The following SLC1A1 variants were observed in gnomAD, a reference collection of about 807,000 sequenced individuals.
SLC1A1 encodes excitatory amino acid transporter 3.
A neutral mutation model predicts 53.3 loss-of-function variants in SLC1A1; 43 were observed. That is an observed-to-expected ratio of 0.81 (90% CI 0.63 to 1.04). SLC1A1 has a LOEUF of 1.04. SLC1A1 is among the 50% of genes least tolerant of loss of function. SLC1A1 has a pLI of 0.00. For synonymous variants in SLC1A1, 307 were observed against 243.2 expected (o/e 1.26, Z -2.44); for missense variants, 748 against 664.9 (o/e 1.12, Z -1.37).
At chr9:4,497,701 T>C (rs1016682129) in intron 1 of SLC1A1, among the ~76,000 whole-genome samples, 1 of 152,170 alleles carries the variant, frequency 6.6e-6, no homozygotes, top group Non-Finnish European at 1.5e-5. Context: ...ATCTTTTCTT[T>C]CTCAAAACTA....
intron 1 of SLC1A1, among the ~76,000 whole-genome samples, chr9:4,508,101 C>T (rs911105238): frequency 4.6e-5 from 7 of 151,956 alleles, no homozygotes; most frequent in Non-Finnish European, 8.8e-5. Flanking sequence ...TGCCCTGATA[C>T]TGAGGAAGGG....
At chr9:4,514,774 G>A (rs1821109184) in intron 1 of SLC1A1, among the ~76,000 whole-genome samples, 1 of 152,144 alleles carries the variant, frequency 6.6e-6, no homozygotes, top group Admixed American at 6.5e-5. Context: ...CTCTGACTTA[G>A]TTTGCAGAAT....
chr9:4,508,705 A>T (rs1186329729), intron 1 of SLC1A1, among the ~76,000 whole-genome samples: 2 of 152,196 alleles, frequency 1.3e-5, no homozygotes, highest in Admixed American at 1.3e-4. Flanking sequence ...TGCTCATGAC[A>T]TCCTCCCTCA....
chr9:4,563,418 G>C (rs1819172657), intron 3 of SLC1A1, among the ~76,000 whole-genome samples: 1 of 152,184 alleles, frequency 6.6e-6, no homozygotes, highest in South Asian at 2.1e-4. Context: ...ATTAGCTGGA[G>C]GCGTATAGCC....
intron 10 of SLC1A1, among the ~76,000 whole-genome samples, chr9:4,582,071 T>G (rs955556500): frequency 3.9e-5 from 6 of 152,216 alleles, no homozygotes; most frequent in African/African-American, 1.4e-4. Context: ...AGGACTTGTC[T>G]CCAGAAAGCA....
At chr9:4,568,082 TA>T (rs1819656384) in intron 6 of SLC1A1, among the ~76,000 whole-genome samples, 1 of 152,184 alleles carries the variant, frequency 6.6e-6, no homozygotes, top group South Asian at 2.1e-4. Flanking sequence ...TTTAGTGTCA[TA>T]TTTTTTGCAT....
At chr9:4,522,309 C>G (rs923346849) in intron 1 of SLC1A1, among the ~76,000 whole-genome samples, 1 of 152,064 alleles carries the variant, frequency 6.6e-6, no homozygotes, top group Non-Finnish European at 1.5e-5. Flanking sequence ...CCTCAGCCTC[C>G]CAAAGTGCTG....
intron 1 of SLC1A1, among the ~76,000 whole-genome samples, chr9:4,502,738 C>T (rs1313770375): frequency 6.6e-6 from 1 of 151,740 alleles, no homozygotes; most frequent in Non-Finnish European, 1.5e-5. Flanking sequence ...TCCTAGTAAA[C>T]CTTGATACAC....
chr9:4,495,856 T>C (rs1278370685), intron 1 of SLC1A1, among the ~76,000 whole-genome samples: 2 of 152,094 alleles, frequency 1.3e-5, no homozygotes, highest in East Asian at 3.9e-4. Flanking sequence ...AGGCAGTGGC[T>C]ATCTCCAGCA....
intron 1 of SLC1A1, among the ~76,000 whole-genome samples, chr9:4,526,287 G>A (rs57179942): frequency 0.022 from 3,342 of 152,280 alleles, 128 homozygotes; most frequent in African/African-American, 0.077. Context: ...AATAGGGAAT[G>A]TGATATGGAA....
intron 11 of SLC1A1, 139 bp from the exon 12 acceptor site, chr9:4,585,173 T>C: frequency 8.8e-7 from 1 of 1,133,630 alleles, no homozygotes; most frequent in Non-Finnish European, 1.3e-6. Context: ...GTGAGGAGCC[T>C]TCAGTCAGTC....
At chr9:4,502,408 A>AAAAAAAG (rs1391106772) in intron 1 of SLC1A1, among the ~76,000 whole-genome samples, 1 of 150,486 alleles carries the variant, frequency 6.6e-6, no homozygotes, top group Non-Finnish European at 1.5e-5. Context: ...AAAAAAAAAA[A>AAAAAAAG]AAAAAAGATT....
chr9:4,549,006 G>A lies in SLC1A1; in HGVS notation c.232+4299G>A, dbSNP rs551168322. Among the ~76,000 whole-genome samples the A allele has an allele frequency of 5.3e-4, 81 of 152,300 alleles. No homozygotes were observed. The highest frequency in any genetic ancestry group is 9.8e-4 in the Non-Finnish European group (67 of 68,024). On this transcript the variant is annotated intron_variant, in intron 2 of 11. Transcript: ENST00000262352. This position sits in a 1 kb window ranked among gnomAD's most constrained non-coding sequence, Gnocchi z 4.1. ...ATAACAGGAAATAGCTTATGAATAT[G>A]CCTGAGAATTGTGGCTCTGGAAAAA...
At chr9:4,494,465 G>A (rs1014298568) in intron 1 of SLC1A1, among the ~76,000 whole-genome samples, 1 of 151,968 alleles carries the variant, frequency 6.6e-6, no homozygotes, top group Admixed American at 6.6e-5. Flanking sequence ...GTCTCTTTCT[G>A]TGTCCTGCTT....
At chr9:4,516,907 A>G (rs1169943897) in intron 1 of SLC1A1, among the ~76,000 whole-genome samples, 1 of 152,060 alleles carries the variant, frequency 6.6e-6, no homozygotes, top group Non-Finnish European at 1.5e-5. Flanking sequence ...TTTCTAAACC[A>G]CCCCTCAAGC....
chr9:4,538,391 A>G (rs1816754304), intron 1 of SLC1A1, among the ~76,000 whole-genome samples: 1 of 152,236 alleles, frequency 6.6e-6, no homozygotes, highest in Non-Finnish European at 1.5e-5. Flanking sequence ...GGAGGCAATG[A>G]GATATAAAAT....
intron 6 of SLC1A1, among the ~76,000 whole-genome samples, chr9:4,568,248 C>G (rs967330449): frequency 6.6e-6 from 1 of 151,856 alleles, no homozygotes; most frequent in South Asian, 2.1e-4. Flanking sequence ...AGTGACACCT[C>G]ACCTCTACAA....
At chr9:4,506,070 C>T (rs1820799828) in intron 1 of SLC1A1, among the ~76,000 whole-genome samples, 2 of 152,204 alleles carry the variant, frequency 1.3e-5, no homozygotes, top group Admixed American at 6.5e-5. Context: ...AAGTGATCCA[C>T]TCACCTCTGC....
intron 10 of SLC1A1, among the ~76,000 whole-genome samples, chr9:4,577,817 T>C (rs1313584326): frequency 6.6e-6 from 1 of 152,186 alleles, no homozygotes; most frequent in East Asian, 1.9e-4. Context: ...GGAAGATATA[T>C]TGGATGGGAG....
Sources: gnomAD v4.1 joint callset for allele counts (sites outside exome capture counted in the v4.1 genomes callset) on GRCh38, gnomAD v4.1.1 for gene constraint, Gnocchi (gnomAD v3.1) non-coding constraint, MANE v1.5 for transcripts, NCBI Gene and HGNC (gene_info 2026-07-23, HGNC 2026-07-21) for gene names.